The following LUC7L variants were observed in gnomAD, a reference collection of about 807,000 sequenced individuals.
The protein encoded by LUC7L is LUC7 like.
In LUC7L, 29 loss-of-function variants were observed where a neutral mutation model predicts 51.1. That is an observed-to-expected ratio of 0.57 (90% CI 0.42 to 0.77). The LOEUF (loss-of-function observed/expected upper bound fraction) is 0.77, where lower values mean the gene tolerates loss of function less well. LUC7L is among the 30% of genes least tolerant of loss of function. The pLI is 0.00. For synonymous variants in LUC7L, 181 were observed against 180.7 expected, an observed-to-expected ratio of 1.00 and a Z score of -0.01; for missense variants, 403 against 511.9, an observed-to-expected ratio of 0.79 and a Z score of 2.05.
At chr16:193,370 C>A (rs1317632088) in intron 6 of LUC7L, among the ~76,000 whole-genome samples, 1 of 152,054 alleles carries the variant, frequency 6.6e-6, no homozygotes, top group Non-Finnish European at 1.5e-5. Context: ...TGGTCTTGAT[C>A]TCTTGACCTT....
chr16:191,534 A>G (rs2049009335), intron 7 of LUC7L, among the ~76,000 whole-genome samples: 1 of 152,134 alleles, frequency 6.6e-6, no homozygotes, highest in Non-Finnish European at 1.5e-5. Flanking sequence ...TTTCTCTCCA[A>G]TCAGAATCTC....
chr16:201,737 CTTTTTTTTTTT>C (rs34083330), intron 5 of LUC7L, among the ~76,000 whole-genome samples: 1 of 54,306 alleles, frequency 1.8e-5, no homozygotes, highest in African/African-American at 9.1e-5. Flanking sequence ...CCGCACCAGG[CTTTTTTTTTTT>C]TTTTTTTTTT....
intron 2 of LUC7L, among the ~76,000 whole-genome samples, chr16:224,414 G>A (rs1183788889): frequency 1.3e-5 from 2 of 151,932 alleles, no homozygotes; most frequent in African/African-American, 4.8e-5. Flanking sequence ...AGCTACTCGG[G>A]AGGCTGAGGC....
At chr16:198,246 TCCAGCCTGGG>T (rs1264589558) in intron 6 of LUC7L, among the ~76,000 whole-genome samples, 1 of 113,616 alleles carries the variant, frequency 8.8e-6, no homozygotes, top group African/African-American at 3.4e-5. Flanking sequence ...GCCACTGCAC[TCCAGCCTGGG>T]CGACAGAGCG....
chr16:215,037 T>A (rs2049749438), intron 3 of LUC7L, among the ~76,000 whole-genome samples: 1 of 152,148 alleles, frequency 6.6e-6, no homozygotes, highest in African/African-American at 2.4e-5. Context: ...GCCACTGCAA[T>A]CCAGCCTGGG....
intron 9 of LUC7L, chr16:189,735 C>A: frequency 7.2e-7 from 1 of 1,387,278 alleles, no homozygotes; most frequent in Non-Finnish European, 9.3e-7. Flanking sequence ...GTGCACAGGC[C>A]CCAGGACGCA....
intron 3 of LUC7L, among the ~76,000 whole-genome samples, chr16:210,774 G>A (rs192519409): frequency 4.6e-5 from 7 of 152,204 alleles, no homozygotes; most frequent in South Asian, 2.1e-4. Context: ...AATGGTGGCC[G>A]GGCGTGGTGG....
chr16:219,782 T>C (rs1359438937), intron 3 of LUC7L, among the ~76,000 whole-genome samples: 1 of 151,944 alleles, frequency 6.6e-6, no homozygotes, highest in Non-Finnish European at 1.5e-5. Flanking sequence ...TGAGGCAGAA[T>C]TGCTTGAACC....
At chr16:215,814 A>T in intron 3 of LUC7L, among the ~76,000 whole-genome samples, 1 of 151,896 alleles carries the variant, frequency 6.6e-6, no homozygotes, top group African/African-American at 2.4e-5. Flanking sequence ...AAAAAAAAAA[A>T]CATCGACAGT....
chr16:199,602 T>C (rs987330747), intron 5 of LUC7L, among the ~76,000 whole-genome samples: 1 of 151,794 alleles, frequency 6.6e-6, no homozygotes, highest in Non-Finnish European at 1.5e-5. Context: ...AGAAACCCCA[T>C]CTCTATTAAA....
At chr16:222,818 T>TG (rs1472708802) in intron 2 of LUC7L, among the ~76,000 whole-genome samples, 26 of 151,188 alleles carry the variant, frequency 1.7e-4, no homozygotes, top group Non-Finnish European at 2.8e-4. Context: ...TCAGTAGAGA[T>TG]GGGGTTTCTC....
At chr16:216,851 C>A (rs915399512) in intron 3 of LUC7L, among the ~76,000 whole-genome samples, 1 of 152,074 alleles carries the variant, frequency 6.6e-6, no homozygotes, top group Non-Finnish European at 1.5e-5. Flanking sequence ...CATGCCACCA[C>A]GCCTGGCTAA....
chr16:189,201 G>C lies in LUC7L; in HGVS notation c.1113C>G (p.Ile371Met). The C allele has an allele frequency of 1.2e-6, 2 of 1,613,100 alleles. No homozygotes were observed. Among genetic ancestry groups the C allele is most frequent in the Non-Finnish European group, 1.7e-6 (2 of 1,179,418 alleles). The change falls in exon 10 of 10, where the codon ATC becomes ATG. Residue 371 changes from isoleucine (I) to methionine (M), a missense_variant. Around this residue, in one of 3 missense-constraint regions of LUC7L, gnomAD observed 206 missense variants for 218.3 expected, o/e 0.94. Coordinates refer to ENST00000293872, the MANE Select transcript of LUC7L (RefSeq NM_201412.3). Reference protein sequence around the residue: ...RRSEEKEAGEI With the variant: ...RRSEEKEAGEM The stretch of plus-strand genomic sequence containing the variant: ...TTACAGCACCCGGGAGACGGGTTCA[G>C]ATCTCGCCGGCCTCCTTCTCTTCTG...
chr16:211,518 G>C (rs1327844639), intron 3 of LUC7L, among the ~76,000 whole-genome samples: 1 of 152,142 alleles, frequency 6.6e-6, no homozygotes, highest in African/African-American at 2.4e-5. Context: ...ACCAAGAGCT[G>C]CCAAGTTCTT....
intron 2 of LUC7L, 108 bp downstream of exon 2, chr16:227,134 A>T: frequency 1.2e-6 from 1 of 811,582 alleles, no homozygotes; most frequent in Non-Finnish European, 2.0e-6. Flanking sequence ...TAAGCCACTT[A>T]GAGAAAAAGA....
chr16:219,309 A>G (rs1438958880), intron 3 of LUC7L, among the ~76,000 whole-genome samples: 2 of 152,120 alleles, frequency 1.3e-5, no homozygotes, highest in African/African-American at 4.8e-5. Flanking sequence ...GAATCACTTG[A>G]ACCAGGGAGT....
intron 5 of LUC7L, among the ~76,000 whole-genome samples, chr16:204,542 T>C (rs1218593030): frequency 6.8e-6 from 1 of 147,488 alleles, no homozygotes; most frequent in African/African-American, 2.5e-5. Context: ...TGCAGTGAAC[T>C]GAGATCGCAC....
At chr16:219,453 C>T (rs2049903974) in intron 3 of LUC7L, among the ~76,000 whole-genome samples, 1 of 152,058 alleles carries the variant, frequency 6.6e-6, no homozygotes, top group Non-Finnish European at 1.5e-5. Context: ...TGGTCGTGTG[C>T]ATCTGTAGTA....
At chr16:202,977 G>A (rs370270428) in intron 5 of LUC7L, among the ~76,000 whole-genome samples, 113 of 152,016 alleles carry the variant, frequency 7.4e-4, no homozygotes, top group African/African-American at 2.5e-3. Flanking sequence ...GTGAAACCCC[G>A]TCTTCTCTAC....
Sources: gnomAD v4.1 joint callset for allele counts (sites outside exome capture counted in the v4.1 genomes callset) on GRCh38, gnomAD v4.1.1 for gene constraint, gnomAD v4.1.1 regional missense constraint, MANE v1.5 for transcripts, NCBI Gene and HGNC (gene_info 2026-07-23, HGNC 2026-07-21) for gene names.